Variants in CARMIL1 observed in about 807,000 individuals in gnomAD.
CARMIL1 encodes capping protein regulator and myosin 1 linker 1.
CARMIL1 carries 90 observed loss-of-function variants against 177.1 expected under a neutral mutation model. The ratio of observed to expected loss-of-function variants is 0.51; its 90% CI spans 0.43 to 0.61. The LOEUF (loss-of-function observed/expected upper bound fraction) is 0.61. Among genes scored for constraint, CARMIL1 ranks in the 20% least tolerant of loss-of-function variants. The pLI is 0.00. For missense variants in CARMIL1, 1,380 were observed against 1,667.0 expected (o/e 0.83, Z 3.00); for synonymous variants, 577 against 606.2 (o/e 0.95, Z 0.71).
chr6:25,352,781 G>T (rs1400447484), intron 2 of CARMIL1, among the ~76,000 whole-genome samples: 1 of 152,094 alleles, frequency 6.6e-6, no homozygotes, highest in Admixed American at 6.6e-5. Flanking sequence ...AAACTGTCTT[G>T]CTGGAGTAGC....
chr6:25,474,749 A>G (rs1325558413), intron 11 of CARMIL1, among the ~76,000 whole-genome samples: 3 of 152,258 alleles, frequency 2.0e-5, no homozygotes, highest in African/African-American at 7.2e-5. Context: ...GGTGAATGTG[A>G]CAAAGTAGAA....
chr6:25,605,285 G>GA (rs1815845927), intron 34 of CARMIL1, among the ~76,000 whole-genome samples: 2 of 152,144 alleles, frequency 1.3e-5, no homozygotes, highest in African/African-American at 4.8e-5. Context: ...TGTTTGGTAT[G>GA]AACAATATGC....
chr6:25,538,061 C>T (rs1808485031), intron 25 of CARMIL1, 78 bp downstream of exon 25: 2 of 1,451,688 alleles, frequency 1.4e-6, no homozygotes, highest in Admixed American at 4.6e-5. Context: ...AAACCAGTTT[C>T]AACTTTCTCT....
rs139029994 is a variant in CARMIL1, at chr6:25,441,848, C to G, written c.371+6244C>G. ...AGTCATTCTGTGTTACGGCCTTCAG[C>G]TTTTCTACTATCAAGAACCTTGGCT... On this transcript the variant is annotated intron_variant, in intron 5 of 36. Transcript: ENST00000329474. Among the ~76,000 whole-genome samples the G allele has an allele frequency of 4.2e-3, 632 of 151,644 alleles. 4 individuals carry two copies. Among genetic ancestry groups the G allele is most frequent in the African/African-American group, 0.014 (592 of 41,370 alleles).
At position 25,451,156 on chromosome 6, in the gene CARMIL1, A is replaced by G. The variant is rs1361275788; in HGVS notation, c.614+445A>G. On this transcript the variant is annotated intron_variant, in intron 8 of 36. Transcript: ENST00000329474. ...TCAAGTTATAGTTTCAAATATGTTT[A>G]TCACTGTGGATGACTTGTGGAGGTC... Among the ~76,000 whole-genome samples the G allele has an allele frequency of 2.6e-5, 4 of 151,858 alleles. No individual in the cohort carries two copies. In the East Asian group the frequency reaches 7.8e-4, roughly 29 times the overall value.
At chr6:25,518,114 C>T (rs749402999) in intron 22 of CARMIL1, among the ~76,000 whole-genome samples, 2 of 151,966 alleles carry the variant, frequency 1.3e-5, no homozygotes, top group East Asian at 1.9e-4. Flanking sequence ...AAATAAGGGG[C>T]GGATGGCATA....
intron 9 of CARMIL1, among the ~76,000 whole-genome samples, chr6:25,469,702 C>T (rs1264398419): frequency 2.0e-5 from 3 of 151,990 alleles, no homozygotes; most frequent in South Asian, 2.1e-4. Flanking sequence ...GGACTGCAGG[C>T]GTGCGCAGTC....
chr6:25,543,966 A>T (rs1203705545), intron 26 of CARMIL1, among the ~76,000 whole-genome samples: 2 of 152,164 alleles, frequency 1.3e-5, no homozygotes, highest in Non-Finnish European at 2.9e-5. Flanking sequence ...CAGGTAAGAA[A>T]TATAGACCCT....
intron 5 of CARMIL1, among the ~76,000 whole-genome samples, chr6:25,444,181 G>A (rs1260134972): frequency 6.6e-6 from 1 of 152,004 alleles, no homozygotes; most frequent in African/African-American, 2.4e-5. Flanking sequence ...TTTCTCTGTG[G>A]CATGCAATGC....
chr6:25,525,844 A>C lies in CARMIL1; in HGVS notation c.1969-2951A>C, dbSNP rs183184339. ...ATTGATGAACTAGGAAAGAAGAGAA[A>C]TGTAACCATACAAAATGCTTAATTA... On this transcript the variant is annotated intron_variant, in intron 23 of 36. Coordinates refer to ENST00000329474, the MANE Select transcript of CARMIL1 (RefSeq NM_017640.6). 3.0e-3 allele frequency among the ~76,000 whole-genome samples: 459 copies of C among 152,342 alleles called. 9 individuals are homozygous for C. The highest frequency in any genetic ancestry group is 2.0e-3 in the Non-Finnish European group (135 of 68,032).
chr6:25,339,303 A>C (rs1786651122), intron 2 of CARMIL1, among the ~76,000 whole-genome samples: 1 of 152,200 alleles, frequency 6.6e-6, no homozygotes, highest in African/African-American at 2.4e-5. Flanking sequence ...GGTTCTGACT[A>C]GCGTATGAGG....
rs118100415 is a variant in CARMIL1 at position 25,377,953 on chromosome 6, C to T, written c.139-42161C>T. ...GGCAATTGGTGGGGCTATAGAGCTC[C>T]GAAAAGTTTCTGTTCTTTTTATTAA... On this transcript the variant is annotated intron_variant, in intron 2 of 36. Coordinates refer to ENST00000329474, the MANE Select transcript of CARMIL1 (RefSeq NM_017640.6). Among the ~76,000 whole-genome samples, 84 of 152,134 alleles carry T rather than the reference C, an allele frequency of 5.5e-4. No homozygotes were observed. The East Asian group carries it at 8.7e-3, about 16-fold the overall frequency.
chr6:25,540,474 G>C (rs1562266319), intron 26 of CARMIL1, among the ~76,000 whole-genome samples: 1 of 152,110 alleles, frequency 6.6e-6, no homozygotes, highest in South Asian at 2.1e-4. Context: ...CTGCCACTAG[G>C]TAAATAGATA....
intron 23 of CARMIL1, among the ~76,000 whole-genome samples, chr6:25,525,236 T>TA (rs1390133346): frequency 6.6e-6 from 1 of 152,014 alleles, no homozygotes; most frequent in Non-Finnish European, 1.5e-5. Context: ...GAACATAGAC[T>TA]AAAAAAACAC....
chr6:25,512,630 T>C (rs1031761474), intron 20 of CARMIL1, among the ~76,000 whole-genome samples: 5 of 152,228 alleles, frequency 3.3e-5, no homozygotes, highest in Non-Finnish European at 7.3e-5. Flanking sequence ...ACCTGGTGTT[T>C]GTAGAGCTTG....
Position 25,485,388 on chromosome 6 carries a change from G to T in CARMIL1, c.961+3045G>T, listed in dbSNP as rs1802534934. Among the ~76,000 whole-genome samples the T allele has an allele frequency of 2.0e-5, 3 of 152,254 alleles. No individual in the cohort carries two copies. The South Asian group carries it at 6.2e-4, about 32-fold the overall frequency. ...AATACATGTTTTGGGAATTAACATTGTTTTATAACATGACTTGAAGAATTT... is the reference window on the plus strand; with the variant it reads ...AATACATGTTTTGGGAATTAACATTTTTTTATAACATGACTTGAAGAATTT... On this transcript the variant is annotated intron_variant, in intron 12 of 36. Coordinates refer to ENST00000329474, the MANE Select transcript of CARMIL1 (RefSeq NM_017640.6).
At chr6:25,603,163 A>G (rs1269173422) in intron 33 of CARMIL1, among the ~76,000 whole-genome samples, 1 of 152,232 alleles carries the variant, frequency 6.6e-6, no homozygotes, top group Non-Finnish European at 1.5e-5. Flanking sequence ...GGTGCCTGCC[A>G]TGCACTTGGA....
At chr6:25,427,527 A>G (rs933789555) in intron 4 of CARMIL1, among the ~76,000 whole-genome samples, 5 of 152,188 alleles carry the variant, frequency 3.3e-5, no homozygotes, top group Admixed American at 1.3e-4. Context: ...ATATTTAAGT[A>G]CAAGTTTTTG....
intron 23 of CARMIL1, among the ~76,000 whole-genome samples, chr6:25,525,090 T>C (rs1806957170): frequency 6.6e-6 from 1 of 152,128 alleles, no homozygotes; most frequent in African/African-American, 2.4e-5. Context: ...GATAATTTTC[T>C]GAAATTCACA....
Sources: allele counts gnomAD v4.1 joint callset (sites outside exome capture counted in the v4.1 genomes callset), GRCh38; gene constraint gnomAD v4.1.1; transcripts MANE v1.5; gene names NCBI Gene and HGNC (gene_info 2026-07-23, HGNC 2026-07-21).